GRM5: variants seen among roughly 807,000 people sequenced by gnomAD.
GRM5 encodes glutamate metabotropic receptor 5.
In GRM5, 19 loss-of-function variants were observed where a neutral mutation model predicts 83.1. The observed-to-expected ratio is 0.23, with a 90% CI of 0.16 to 0.34. The LOEUF (loss-of-function observed/expected upper bound fraction) is 0.34, where lower values mean the gene tolerates loss of function less well. Ranked by LOEUF, GRM5 falls within the 10% of genes least tolerant of loss-of-function variation. The pLI is 1.00. For missense variants in GRM5, 1,160 were observed against 1,588.3 expected, an observed-to-expected ratio of 0.73 and a Z score of 4.58; for synonymous variants, 675 against 633.6, an observed-to-expected ratio of 1.07 and a Z score of -0.98.
At chr11:88,902,157 T>A (rs1402191124) in intron 2 of GRM5, among the ~76,000 whole-genome samples, 1 of 151,112 alleles carries the variant, frequency 6.6e-6, no homozygotes, top group Non-Finnish European at 1.5e-5. Flanking sequence ...GTTTTTTTGT[T>A]TTTTTTTTGT....
At chr11:88,913,454 T>C (rs567535169) in intron 2 of GRM5, among the ~76,000 whole-genome samples, 123 of 152,094 alleles carry the variant, frequency 8.1e-4, no homozygotes, top group Admixed American at 1.4e-3. Context: ...TCAGGGTATT[T>C]CCTTCCCCTC....
intron 3 of GRM5, among the ~76,000 whole-genome samples, chr11:88,670,303 A>G (rs1195004353): frequency 6.6e-6 from 1 of 152,066 alleles, no homozygotes; most frequent in Admixed American, 6.6e-5. Context: ...CTTGATAATA[A>G]TAAAAGGAGA....
At chr11:89,007,257 C>T (rs1412888426) in intron 2 of GRM5, among the ~76,000 whole-genome samples, 1 of 152,192 alleles carries the variant, frequency 6.6e-6, no homozygotes, top group Non-Finnish European at 1.5e-5. Flanking sequence ...TGCATCCTTC[C>T]AACCAGACCA....
chr11:89,028,267 T>C (rs1941178868), intron 2 of GRM5, among the ~76,000 whole-genome samples: 1 of 151,698 alleles, frequency 6.6e-6, no homozygotes, highest in Non-Finnish European at 1.5e-5. Flanking sequence ...CAATTTTTAT[T>C]ACCTGTTTTT....
rs1941192990 is a variant in GRM5 at position 88,506,763 on chromosome 11, T to A, written c.*1829A>T. 6.6e-6 allele frequency: 1 copy of A among 152,184 alleles called. No homozygotes were observed. Among genetic ancestry groups the A allele is most frequent in the African/African-American group, 2.4e-5 (1 of 41,440 alleles). The allele number at this position is 152,184 out of a possible 1,614,324, so 9.4% of individuals were successfully genotyped here. On this transcript the variant is annotated 3_prime_UTR_variant, in exon 10 of 10. Coordinates refer to ENST00000305447, the MANE Select transcript of GRM5 (RefSeq NM_001143831.3). ...AAGCAGAATATTTATTAGAATTTTT[T>A]AAAGTGAAGAATGATAAATTATGCC...
intron 3 of GRM5, among the ~76,000 whole-genome samples, chr11:88,761,491 A>T (rs956183654): frequency 2.0e-5 from 3 of 152,116 alleles, no homozygotes; most frequent in African/African-American, 7.2e-5. Flanking sequence ...AATACAGCTA[A>T]CCAGGAATGT....
At chr11:88,963,912 T>C (rs760385482) in intron 2 of GRM5, among the ~76,000 whole-genome samples, 9 of 152,198 alleles carry the variant, frequency 5.9e-5, no homozygotes, top group Non-Finnish European at 1.3e-4. Flanking sequence ...TGAGAGTCTA[T>C]GCTCAAGAGG....
At chr11:88,989,403 T>A (rs1405648697) in intron 2 of GRM5, among the ~76,000 whole-genome samples, 74 of 128,918 alleles carry the variant, frequency 5.7e-4, no homozygotes, top group African/African-American at 2.1e-3. Context: ...CTACCACACA[T>A]TAATAATGGG....
intron 9 of GRM5, among the ~76,000 whole-genome samples, chr11:88,509,795 C>A (rs1285933434): frequency 6.6e-6 from 1 of 152,164 alleles, no homozygotes; most frequent in African/African-American, 2.4e-5. Flanking sequence ...TAGGATTCTG[C>A]GGGAGTTCTG....
At position 88,608,611 on chromosome 11, in the gene GRM5, T is replaced by C. The variant is rs1343289161; in HGVS notation, c.1148-3647A>G. Among the ~76,000 whole-genome samples, 3 of 147,954 alleles carry C rather than the reference T, an allele frequency of 2.0e-5. No homozygotes were observed. In the Admixed American group the frequency reaches 2.1e-4, roughly 10 times the overall value. On this transcript the variant is annotated intron_variant, in intron 4 of 9. Coordinates refer to ENST00000305447, the MANE Select transcript of GRM5 (RefSeq NM_001143831.3). ...TTGGCTCACTGCAAGCTCCATCTCC[T>C]GGGTTCACACTGTTCTCCTGTCTCA...
chr11:88,953,415 C>T (rs1479754286), intron 2 of GRM5, among the ~76,000 whole-genome samples: 1 of 152,182 alleles, frequency 6.6e-6, no homozygotes, highest in East Asian at 1.9e-4. Flanking sequence ...TTTCAACAGC[C>T]TACTTTATCA....
At chr11:88,564,286 A>T (rs1245084408) in intron 8 of GRM5, among the ~76,000 whole-genome samples, 3 of 152,342 alleles carry the variant, frequency 2.0e-5, no homozygotes, top group African/African-American at 7.2e-5. Context: ...TTTCAAAAAA[A>T]CTACATGGCC....
chr11:88,580,716 G>A (rs1302986661), intron 7 of GRM5, among the ~76,000 whole-genome samples: 2 of 152,158 alleles, frequency 1.3e-5, no homozygotes, highest in East Asian at 1.9e-4. Flanking sequence ...TAATCTAAAC[G>A]AAGTTAAAAG....
At chr11:88,933,515 A>G (rs1937788064) in intron 2 of GRM5, among the ~76,000 whole-genome samples, 1 of 151,866 alleles carries the variant, frequency 6.6e-6, no homozygotes, top group Admixed American at 6.6e-5. Flanking sequence ...CTCTTTGGAC[A>G]GATTTCTTCA....
intron 2 of GRM5, among the ~76,000 whole-genome samples, chr11:88,927,517 C>G (rs948337298): frequency 6.6e-6 from 1 of 152,088 alleles, no homozygotes; most frequent in African/African-American, 2.4e-5. Context: ...TTTTCTACCA[C>G]AAAAGATAGC....
intron 3 of GRM5, among the ~76,000 whole-genome samples, chr11:88,836,452 T>C (rs1944096857): frequency 6.6e-6 from 1 of 152,180 alleles, no homozygotes; most frequent in South Asian, 2.1e-4. Flanking sequence ...TGTGTGTGTA[T>C]ATATATGTAT....
At chr11:89,063,958 A>T (rs1271109674) in intron 1 of GRM5, among the ~76,000 whole-genome samples, 1 of 152,174 alleles carries the variant, frequency 6.6e-6, no homozygotes, top group Non-Finnish European at 1.5e-5. Context: ...CTAAATTCTA[A>T]GAATAAACCT....
At chr11:88,536,209 G>A (rs1373166627) in intron 8 of GRM5, among the ~76,000 whole-genome samples, 2 of 151,930 alleles carry the variant, frequency 1.3e-5, no homozygotes, top group Admixed American at 6.5e-5. Context: ...GAATTGGCAT[G>A]GGCTTATACA....
intron 8 of GRM5, among the ~76,000 whole-genome samples, chr11:88,554,214 C>A (rs780263438): frequency 5.9e-5 from 9 of 151,802 alleles, no homozygotes; most frequent in Non-Finnish European, 1.2e-4. Context: ...CATTCCTTGG[C>A]TTCTATACCC....
Sources: gnomAD v4.1 joint callset for allele counts (sites outside exome capture counted in the v4.1 genomes callset) on GRCh38, gnomAD v4.1.1 for gene constraint, MANE v1.5 for transcripts, NCBI Gene and HGNC (gene_info 2026-07-23, HGNC 2026-07-21) for gene names.